Variants in LRIG1 observed in about 807,000 individuals in gnomAD.
LRIG1 encodes the protein leucine-rich repeats and immunoglobulin-like domains protein 1.
In LRIG1, 48 loss-of-function variants were observed where a neutral mutation model predicts 99.2. The observed-to-expected ratio is 0.48, with a 90% CI of 0.38 to 0.62. The LOEUF (loss-of-function observed/expected upper bound fraction) is 0.62. Among genes scored for constraint, LRIG1 ranks in the 20% least tolerant of loss-of-function variants. The pLI is 0.00. For synonymous variants in LRIG1, 772 were observed against 596.1 expected (o/e 1.29, Z -4.30); for missense variants, 1,646 against 1,434.4 (o/e 1.15, Z -2.38).
In LRIG1 at chr3:66,380,654, C is replaced by T; in HGVS notation, c.2978G>A (p.Gly993Glu). Reference protein sequence around the residue: ...TAAGSCPECQGSLYPSNHDRM... With the variant: ...TAAGSCPECQESLYPSNHDRM... ...ATCGTGGTTACTGGGGTAGAGCGACCCTTGGCACTCGGGGCAGGACCCAGC... is the reference window on the plus strand; with the variant it reads ...ATCGTGGTTACTGGGGTAGAGCGACTCTTGGCACTCGGGGCAGGACCCAGC... The change falls in exon 18 of 19, where the codon GGG becomes GAG. Residue 993 changes from glycine (G) to glutamate (E), a missense_variant. Gly to Glu is a moderately conservative substitution (Grantham distance 98). Transcript: ENST00000273261. 1.2e-6 allele frequency: 2 copies of T among 1,614,182 alleles called. No homozygotes were observed. Among genetic ancestry groups the T allele is most frequent in the Non-Finnish European group, 1.7e-6 (2 of 1,180,036 alleles).
At chr3:66,415,287 C>A (rs985645352) in intron 4 of LRIG1, among the ~76,000 whole-genome samples, 2 of 152,070 alleles carry the variant, frequency 1.3e-5, no homozygotes, top group South Asian at 2.1e-4. Flanking sequence ...CCGATTTAGT[C>A]GAAAGCATAC....
intron 3 of LRIG1, among the ~76,000 whole-genome samples, chr3:66,439,860 T>C (rs1188155441): frequency 2.0e-5 from 3 of 152,174 alleles, no homozygotes; most frequent in African/African-American, 4.8e-5. Flanking sequence ...CCAAAGCAAC[T>C]TCCTCATCAC....
At chr3:66,407,224 G>T in intron 8 of LRIG1, 124 bp downstream of exon 8, 2 of 1,017,412 alleles carry the variant, frequency 2.0e-6, no homozygotes, top group Non-Finnish European at 3.0e-6. Context: ...CATAGAGCAA[G>T]CCAGCTTTGG....
chr3:66,438,621 A>C (rs1434980301), intron 3 of LRIG1, among the ~76,000 whole-genome samples: 2 of 152,218 alleles, frequency 1.3e-5, no homozygotes, highest in Non-Finnish European at 2.9e-5. Flanking sequence ...TGTACACTCC[A>C]GGAAGGGATG....
At chr3:66,457,000 A>G (rs1374737996) in intron 2 of LRIG1, among the ~76,000 whole-genome samples, 2 of 152,200 alleles carry the variant, frequency 1.3e-5, no homozygotes, top group Non-Finnish European at 2.9e-5. Context: ...GCTTGGACGC[A>G]GCTGCACAAG....
chr3:66,419,020 C>G (rs921307049), intron 3 of LRIG1, among the ~76,000 whole-genome samples: 1 of 152,086 alleles, frequency 6.6e-6, no homozygotes, highest in South Asian at 2.1e-4. Context: ...GAAAAGAAAA[C>G]CTTTATTATG....
intron 1 of LRIG1, among the ~76,000 whole-genome samples, chr3:66,487,474 T>C (rs141892768): frequency 7.2e-5 from 11 of 152,294 alleles, no homozygotes; most frequent in South Asian, 4.1e-4. Context: ...CCTGAAAGAA[T>C]GTACCAAGCT....
chr3:66,467,041 G>A lies in LRIG1; in HGVS notation c.219-4532C>T, dbSNP rs540812191. Among the ~76,000 whole-genome samples the A allele has an allele frequency of 4.6e-5, 7 of 152,256 alleles. No homozygotes were observed. The East Asian group carries it at 5.8e-4, about 13-fold the overall frequency. On this transcript the variant is annotated intron_variant, in intron 1 of 18. Coordinates refer to ENST00000273261, the MANE Select transcript of LRIG1 (RefSeq NM_015541.3). Reference sequence around the variant, plus strand: ...TCAGCTAATCTGCTGAAAGATGACCGTTCAGCCCACCGTTCGCTGAACACA... The same window carrying A: ...TCAGCTAATCTGCTGAAAGATGACCATTCAGCCCACCGTTCGCTGAACACA...
chr3:66,475,490 T>A (rs1700700979), intron 1 of LRIG1, among the ~76,000 whole-genome samples: 1 of 152,164 alleles, frequency 6.6e-6, no homozygotes, highest in African/African-American at 2.4e-5. Flanking sequence ...TGGCTTTCCT[T>A]TCTCCTTACT....
chr3:66,382,979 G>A lies in LRIG1; in HGVS notation c.2491+3C>T, dbSNP rs1364416693. On this transcript the variant is annotated splice_donor_region_variant and intron_variant, in intron 15 of 18. Coordinates refer to ENST00000273261, the MANE Select transcript of LRIG1 (RefSeq NM_015541.3). Reference sequence around the variant, plus strand: ...AAAGTCAGCTCCGCTGGCAGGGCCTGACCTGTGTTGGTGACACTGTACTCT... The same window carrying A: ...AAAGTCAGCTCCGCTGGCAGGGCCTAACCTGTGTTGGTGACACTGTACTCT... 7.5e-6 allele frequency: 12 copies of A among 1,599,208 alleles called. No individual in the cohort carries two copies. The highest frequency in any genetic ancestry group is 1.3e-5 in the African/African-American group (1 of 74,710).
intron 1 of LRIG1, among the ~76,000 whole-genome samples, chr3:66,475,003 C>G (rs912198999): frequency 1.3e-5 from 2 of 152,180 alleles, no homozygotes; most frequent in African/African-American, 2.4e-5. Flanking sequence ...TAGAGAGAGA[C>G]AAGAGCCATT....
At chr3:66,456,379 C>T (rs1700220609) in intron 2 of LRIG1, among the ~76,000 whole-genome samples, 1 of 152,008 alleles carries the variant, frequency 6.6e-6, no homozygotes, top group Non-Finnish European at 1.5e-5. Flanking sequence ...CCCAGTAGTT[C>T]GAGACTAGCC....
At chr3:66,417,912 T>C (rs545458664) in intron 3 of LRIG1, among the ~76,000 whole-genome samples, 1 of 152,292 alleles carries the variant, frequency 6.6e-6, no homozygotes, top group Admixed American at 6.5e-5. Context: ...CCATTAATAT[T>C]AAGCATTGTG....
Position 66,499,800 on chromosome 3 carries a change from A to C in LRIG1, c.218+390T>G, listed in dbSNP as rs142151400. 3.7e-4 allele frequency among the ~76,000 whole-genome samples: 56 copies of C among 151,848 alleles called. 1 individual carries two copies. The East Asian group carries it at 9.1e-3, about 25-fold the overall frequency. ...AAAGGAAACGCACCCACATACCCCC[A>C]CAGACTTCTTCACACTCTTCTCCAG... On this transcript the variant is annotated intron_variant, in intron 1 of 18. Coordinates refer to ENST00000273261, the MANE Select transcript of LRIG1 (RefSeq NM_015541.3).
intron 3 of LRIG1, among the ~76,000 whole-genome samples, chr3:66,443,240 G>A (rs1396117081): frequency 2.0e-5 from 3 of 149,978 alleles, no homozygotes; most frequent in African/African-American, 4.9e-5. Flanking sequence ...CTGCAACAGC[G>A]GCCTGCTGGC....
At chr3:66,399,233 C>A (rs956875764) in intron 9 of LRIG1, among the ~76,000 whole-genome samples, 192 bp from the exon 10 acceptor site, 5 of 152,198 alleles carry the variant, frequency 3.3e-5, no homozygotes, top group African/African-American at 1.2e-4. Context: ...CTTCCCCTTT[C>A]TGAAATGAAA....
chr3:66,415,944 G>C (rs556555614), intron 4 of LRIG1, among the ~76,000 whole-genome samples: 1 of 152,194 alleles, frequency 6.6e-6, no homozygotes, highest in Non-Finnish European at 1.5e-5. Flanking sequence ...ACAGAGGGTG[G>C]AAGGGAGCAA....
intron 3 of LRIG1, among the ~76,000 whole-genome samples, chr3:66,448,929 A>G (rs1703812033): frequency 6.6e-6 from 1 of 152,228 alleles, no homozygotes; most frequent in Non-Finnish European, 1.5e-5. Flanking sequence ...AAAAGTGCCT[A>G]CTAAATATTT....
rs188821420 is a variant in LRIG1 at position 66,419,147 on chromosome 3, G to A, written c.366-1881C>T. ...AGGGTCTGTGCTGGACAGAAGGGCC[G>A]GGCGCCACCGGCCCAGAAAGGCACA... On this transcript the variant is annotated intron_variant, in intron 3 of 18. Coordinates refer to ENST00000273261, the MANE Select transcript of LRIG1 (RefSeq NM_015541.3). Among the ~76,000 whole-genome samples the A allele has an allele frequency of 2.2e-3, 332 of 152,254 alleles. 1 individual carries two copies. Among genetic ancestry groups the A allele is most frequent in the Middle Eastern group, 3.4e-3 (1 of 294 alleles).
Sources: allele counts gnomAD v4.1 joint callset (sites outside exome capture counted in the v4.1 genomes callset), GRCh38; gene constraint gnomAD v4.1.1; transcripts MANE v1.5; gene names NCBI Gene and HGNC (gene_info 2026-07-23, HGNC 2026-07-21).